The following ZFP14 variants were observed in gnomAD, a reference collection of about 807,000 sequenced individuals.
The protein encoded by ZFP14 is ZFP14 zinc finger protein.
In ZFP14, 22 loss-of-function variants were observed where a neutral mutation model predicts 54.5. The ratio of observed to expected loss-of-function variants is 0.40; its 90% CI spans 0.29 to 0.58. The LOEUF (loss-of-function observed/expected upper bound fraction) is 0.58. ZFP14 is among the 20% of genes least tolerant of loss of function. The probability of loss-of-function intolerance (pLI) is 0.39; values close to 1 mark genes in which losing one functional copy is unlikely to be tolerated. For synonymous variants in ZFP14, 159 were observed against 204.0 expected (o/e 0.78, Z 1.88); for missense variants, 470 against 637.8 (o/e 0.74, Z 2.83).
intron 1 of ZFP14, among the ~76,000 whole-genome samples, chr19:36,369,927 C>T (rs936253576): frequency 2.0e-5 from 3 of 152,088 alleles, no homozygotes; most frequent in Non-Finnish European, 2.9e-5. Context: ...CTCGACCTCC[C>T]GGGCTCAAGC....
intron 1 of ZFP14, among the ~76,000 whole-genome samples, chr19:36,373,656 G>A (rs1450274947): frequency 6.6e-6 from 1 of 152,076 alleles, no homozygotes; most frequent in African/African-American, 2.4e-5. Flanking sequence ...ATAAATACAT[G>A]TAATTTTATC....
At position 36,339,098 on chromosome 19, in the gene ZFP14, G is replaced by A. The variant is rs2031260448; in HGVS notation, c.*1126C>T. ...TTTCTAATGCAGCTCAAGTGCTGAA[G>A]AACTTCCTACATTCACTACAATCTA... On this transcript the variant is annotated 3_prime_UTR_variant, in exon 5 of 5. Coordinates refer to ENST00000270001, the MANE Select transcript of ZFP14 (RefSeq NM_020917.3). 6.6e-6 allele frequency: 1 copy of A among 152,146 alleles called. No individual in the cohort carries two copies. The highest frequency in any genetic ancestry group is 1.5e-5 in the Non-Finnish European group (1 of 68,036). The allele number at this position is 152,146 out of a possible 1,614,324, so 9.4% of individuals were successfully genotyped here. A position where few individuals can be genotyped will look rare whatever the true frequency, so the allele number is the denominator to read the frequency against.
At chr19:36,373,375 G>T (rs889423016) in intron 1 of ZFP14, among the ~76,000 whole-genome samples, 3 of 151,992 alleles carry the variant, frequency 2.0e-5, no homozygotes, top group Non-Finnish European at 4.4e-5. Flanking sequence ...CAGAATCTGG[G>T]GTAGTTGGGG....
intron 1 of ZFP14, among the ~76,000 whole-genome samples, chr19:36,375,835 G>T (rs1210072120): frequency 6.6e-6 from 1 of 151,822 alleles, no homozygotes; most frequent in Non-Finnish European, 1.5e-5. Flanking sequence ...GGGATTACAG[G>T]CGTGAGCCAC....
chr19:36,350,897 A>T lies in ZFP14; in HGVS notation c.236-9307T>A, dbSNP rs570594568. On this transcript the variant is annotated intron_variant, in intron 4 of 4. Transcript: ENST00000270001. ...GAGGGGATATTTGCTAAGAGAAAAT[A>T]ACTGCCAACTCAGAATTCTATTCTC... 1.1e-4 allele frequency among the ~76,000 whole-genome samples: 16 copies of T among 143,430 alleles called. 2 individuals carry two copies. The South Asian group carries it at 3.5e-3, about 32-fold the overall frequency. 94.1% of individuals were successfully genotyped at this position (143,430 alleles called of 152,430 possible). A position where few individuals can be genotyped will look rare whatever the true frequency, so the allele number is the denominator to read the frequency against.
intron 4 of ZFP14, among the ~76,000 whole-genome samples, chr19:36,346,959 A>G (rs1288222052): frequency 6.6e-6 from 1 of 152,174 alleles, no homozygotes; most frequent in Non-Finnish European, 1.5e-5. Flanking sequence ...ACGTACACTT[A>G]TTGCCCACGA....
At chr19:36,345,546 C>T (rs930662928) in intron 4 of ZFP14, among the ~76,000 whole-genome samples, 1 of 151,942 alleles carries the variant, frequency 6.6e-6, no homozygotes, top group African/African-American at 2.4e-5. Context: ...TGAAGAAAAT[C>T]GAAAATGCTG....
intron 2 of ZFP14, among the ~76,000 whole-genome samples, chr19:36,367,103 G>A (rs969169278): frequency 2.0e-5 from 3 of 151,192 alleles, no homozygotes; most frequent in Admixed American, 6.6e-5. Context: ...GCAGTGAGCC[G>A]AGATCATGCC....
chr19:36,340,110 T>C lies in ZFP14; in HGVS notation c.*114A>G. 8.7e-7 allele frequency: 1 copy of C among 1,155,998 alleles called. No individual in the cohort carries two copies. 71.6% of individuals were successfully genotyped at this position (1,155,998 alleles called of 1,614,324 possible). On this transcript the variant is annotated 3_prime_UTR_variant, in exon 5 of 5. Transcript: ENST00000270001. This position sits in a 1 kb window ranked among gnomAD's most constrained non-coding sequence, Gnocchi z 5.4. ...GTTGGAAGGCTTTTAAATCAACATATTCTTTCTCTAATATAAAATTTATTA... is the reference window on the plus strand; with the variant it reads ...GTTGGAAGGCTTTTAAATCAACATACTCTTTCTCTAATATAAAATTTATTA...
intron 4 of ZFP14, among the ~76,000 whole-genome samples, chr19:36,356,584 C>T (rs1441938651): frequency 1.3e-5 from 2 of 152,130 alleles, no homozygotes; most frequent in Non-Finnish European, 2.9e-5. Context: ...AAGATACTCA[C>T]CTGTACCATG....
At chr19:36,366,745 T>A (rs1006583327) in intron 2 of ZFP14, among the ~76,000 whole-genome samples, 5 of 152,224 alleles carry the variant, frequency 3.3e-5, no homozygotes, top group African/African-American at 1.2e-4. Flanking sequence ...TTTCTTGACC[T>A]GATAGCATAG....
At chr19:36,360,562 T>C in intron 3 of ZFP14, 29 bp from the exon 4 acceptor site, 1 of 1,580,320 alleles carries the variant, frequency 6.3e-7, no homozygotes. Flanking sequence ...TGACATGGAA[T>C]TATACACCAG....
chr19:36,349,678 A>ATATATAT (rs754447231), intron 4 of ZFP14, among the ~76,000 whole-genome samples: 14 of 145,654 alleles, frequency 9.6e-5, no homozygotes, highest in Non-Finnish European at 1.5e-4. Flanking sequence ...AAACAAAAAA[A>ATATATAT]AAATATATAT....
intron 4 of ZFP14, among the ~76,000 whole-genome samples, chr19:36,350,053 G>A (rs2031499007): frequency 7.3e-6 from 1 of 137,838 alleles, no homozygotes; most frequent in African/African-American, 2.7e-5. Flanking sequence ...CCCGGGAAGT[G>A]GAGTCTGCAG....
rs545135247 is a variant in ZFP14, at chr19:36,355,949, A to G, written c.235+4486T>C. ...TGAAACTGTAGTCACCGATCAAAAA[A>G]AAGAGTAGCCCCTCTCTTTGTCAAA... is the stretch of plus-strand genomic sequence containing the variant. On this transcript the variant is annotated intron_variant, in intron 4 of 4. Transcript: ENST00000270001. 2.1e-5 allele frequency among the ~76,000 whole-genome samples: 3 copies of G among 142,662 alleles called. 1 individual carries two copies. The Admixed American group carries it at 2.2e-4, about 10-fold the overall frequency. The allele number at this position is 142,662 out of a possible 152,430, so 93.6% of individuals were successfully genotyped here.
At chr19:36,377,405 C>A (rs1345294187) in intron 1 of ZFP14, among the ~76,000 whole-genome samples, 1 of 151,796 alleles carries the variant, frequency 6.6e-6, no homozygotes, top group Non-Finnish European at 1.5e-5. Flanking sequence ...TTAAAAATTG[C>A]GCGTGGGACC....
At chr19:36,366,697 T>C (rs887603179) in intron 2 of ZFP14, among the ~76,000 whole-genome samples, 8 of 152,070 alleles carry the variant, frequency 5.3e-5, no homozygotes, top group African/African-American at 1.9e-4. Flanking sequence ...GGGCAGTAGG[T>C]GGGTGGGGAG....
At chr19:36,374,380 C>T (rs1266524570) in intron 1 of ZFP14, among the ~76,000 whole-genome samples, 1 of 151,458 alleles carries the variant, frequency 6.6e-6, no homozygotes, top group Non-Finnish European at 1.5e-5. Flanking sequence ...ATCCCAGCTA[C>T]TCGGGAGGCT....
At chr19:36,366,282 G>T (rs1432559902) in intron 2 of ZFP14, among the ~76,000 whole-genome samples, 2 of 151,762 alleles carry the variant, frequency 1.3e-5, no homozygotes, top group Non-Finnish European at 2.9e-5. Context: ...AAAAAAAATT[G>T]TATTGAACTA....
Sources: gnomAD v4.1 joint callset for allele counts (sites outside exome capture counted in the v4.1 genomes callset) on GRCh38, gnomAD v4.1.1 for gene constraint, Gnocchi (gnomAD v3.1) non-coding constraint, MANE v1.5 for transcripts, NCBI Gene and HGNC (gene_info 2026-07-23, HGNC 2026-07-21) for gene names.